NRXN3: variants seen among roughly 807,000 people sequenced by gnomAD.
NRXN3 encodes neurexin 3, also known as neurexin III.
A neutral mutation model predicts 137.6 loss-of-function variants in NRXN3; 32 were observed. That is an observed-to-expected ratio of 0.23 (90% CI 0.18 to 0.31). NRXN3 has a LOEUF of 0.31. NRXN3 is among the 10% of genes least tolerant of loss of function. The pLI is 1.00. For synonymous variants in NRXN3, 798 were observed against 784.5 expected (o/e 1.02, Z -0.29); for missense variants, 1,574 against 2,062.5 (o/e 0.76, Z 4.59).
At chr14:78,614,049 A>G (rs1019115096) in intron 4 of NRXN3, among the ~76,000 whole-genome samples, 1 of 152,180 alleles carries the variant, frequency 6.6e-6, no homozygotes, top group Non-Finnish European at 1.5e-5. Flanking sequence ...AGGGCTGCTC[A>G]AGGTGTTTCC....
intron 19 of NRXN3, among the ~76,000 whole-genome samples, chr14:79,794,817 C>G (rs2099156243): frequency 6.6e-6 from 1 of 152,180 alleles, no homozygotes; most frequent in African/African-American, 2.4e-5. Context: ...TCCACAGGAT[C>G]CTGTGCCATT....
intron 15 of NRXN3, among the ~76,000 whole-genome samples, chr14:79,359,245 C>T (rs1343752275): frequency 6.6e-6 from 1 of 152,064 alleles, no homozygotes; most frequent in African/African-American, 2.4e-5. Context: ...AAGTCTTTTC[C>T]CATTGTTCTG....
chr14:79,421,010 T>G (rs1044466862), intron 15 of NRXN3, among the ~76,000 whole-genome samples: 1 of 152,202 alleles, frequency 6.6e-6, no homozygotes, highest in African/African-American at 2.4e-5. Flanking sequence ...CCCAGATATT[T>G]AGAGACTCCA....
At chr14:78,448,237 C>A (rs1202149794) in intron 4 of NRXN3, among the ~76,000 whole-genome samples, 1 of 151,056 alleles carries the variant, frequency 6.6e-6, no homozygotes, top group African/African-American at 2.4e-5. Flanking sequence ...ATTATAAGAC[C>A]CTGAAAGACG....
chr14:79,768,004 T>G (rs138478559), intron 19 of NRXN3, among the ~76,000 whole-genome samples: 4,319 of 152,206 alleles, frequency 0.028, 203 homozygotes, highest in African/African-American at 0.099. Flanking sequence ...TCAAAGAAAG[T>G]GGTGACAGAC....
At chr14:78,302,151 A>G (rs1380032021) in intron 4 of NRXN3, among the ~76,000 whole-genome samples, 2 of 152,118 alleles carry the variant, frequency 1.3e-5, no homozygotes, top group Non-Finnish European at 2.9e-5. Context: ...CTCATTGGCA[A>G]TACATTAGAT....
chr14:78,379,371 T>A (rs181784423), intron 4 of NRXN3, among the ~76,000 whole-genome samples: 1 of 152,232 alleles, frequency 6.6e-6, no homozygotes, highest in East Asian at 1.9e-4. Flanking sequence ...AAAAAAATAT[T>A]AGCAAGTACA....
At position 79,497,451 on chromosome 14, in the gene NRXN3, A is replaced by C. The variant is rs568958037; in HGVS notation, c.3444+30049A>C. Reference sequence around the variant, plus strand: ...TCCAAATGTTACCTTATTAATGAAGACTTCCCTAGCTCATTCTATTTTATC... The same window carrying C: ...TCCAAATGTTACCTTATTAATGAAGCCTTCCCTAGCTCATTCTATTTTATC... On this transcript the variant is annotated intron_variant, in intron 16 of 20. Coordinates refer to ENST00000335750, the MANE Select transcript of NRXN3 (RefSeq NM_001330195.2). Among the ~76,000 whole-genome samples the C allele has an allele frequency of 3.3e-5, 5 of 151,872 alleles. No individual in the cohort carries two copies. In the South Asian group the frequency reaches 8.3e-4, roughly 25 times the overall value.
chr14:78,968,439 C>A, intron 14 of NRXN3, 93 bp downstream of exon 14: 1 of 1,198,932 alleles, frequency 8.3e-7, no homozygotes, highest in South Asian at 1.4e-5. Context: ...CTCAGTTGAC[C>A]AGTCCTGTCT....
rs189009503 is a variant in NRXN3 at position 78,936,438 on chromosome 14, G to A, written c.2276-20804G>A. Among the ~76,000 whole-genome samples the A allele has an allele frequency of 3.3e-5, 5 of 152,292 alleles. No individual in the cohort carries two copies. The East Asian group carries it at 9.6e-4, about 29-fold the overall frequency. On this transcript the variant is annotated intron_variant, in intron 10 of 20. Coordinates refer to ENST00000335750, the MANE Select transcript of NRXN3 (RefSeq NM_001330195.2). The stretch of plus-strand genomic sequence containing the variant: ...ATAAAAGACGCCAGAGGAAAAAAGA[G>A]TACATATTGTATGGTTACATTTATA...
At chr14:78,570,016 A>G (rs1321391676) in intron 4 of NRXN3, among the ~76,000 whole-genome samples, 1 of 152,172 alleles carries the variant, frequency 6.6e-6, no homozygotes, top group East Asian at 1.9e-4. Context: ...AAATTTCCTC[A>G]TTTGAAAATG....
intron 14 of NRXN3, among the ~76,000 whole-genome samples, chr14:78,976,273 T>C (rs997244464): frequency 2.0e-5 from 3 of 152,196 alleles, no homozygotes; most frequent in African/African-American, 7.2e-5. Flanking sequence ...TAACTTCTCT[T>C]AGCAGGTTTT....
In NRXN3 at chr14:78,918,475, A is replaced by G. The variant is rs151043559; in HGVS notation, c.2276-38767A>G. 3.3e-5 allele frequency among the ~76,000 whole-genome samples: 5 copies of G among 152,280 alleles called. No homozygotes were observed. In the East Asian group the frequency reaches 7.7e-4, roughly 24 times the overall value. ...GTAACCATGACACGTTGGGGTTTGT[A>G]TAAGTAATAAACGCTGAGATATATG... On this transcript the variant is annotated intron_variant, in intron 10 of 20. Coordinates refer to ENST00000335750, the MANE Select transcript of NRXN3 (RefSeq NM_001330195.2).
rs953395044 is a variant in NRXN3 at position 79,443,894 on chromosome 14, A to G, written c.3263-23327A>G. On this transcript the variant is annotated intron_variant, in intron 15 of 20. Coordinates refer to ENST00000335750, the MANE Select transcript of NRXN3 (RefSeq NM_001330195.2). ...CTTCCCCACTGGTTTTTGAGAAGTG[A>G]AAAGGATTAACATATATGGCAGTGG... Among the ~76,000 whole-genome samples, 8 of 152,184 alleles carry G rather than the reference A, an allele frequency of 5.3e-5. No individual in the cohort carries two copies. In the East Asian group the frequency reaches 1.5e-3, roughly 29 times the overall value.
chr14:78,316,782 G>A (rs923862857), intron 4 of NRXN3, among the ~76,000 whole-genome samples: 1 of 152,160 alleles, frequency 6.6e-6, no homozygotes, highest in South Asian at 2.1e-4. Context: ...CCAAGACCTA[G>A]TGTTTGTCTT....
At chr14:79,754,577 C>CAG (rs2099012639) in intron 19 of NRXN3, among the ~76,000 whole-genome samples, 1 of 132,740 alleles carries the variant, frequency 7.5e-6, no homozygotes, top group African/African-American at 3.1e-5. Flanking sequence ...CACATACACA[C>CAG]ACACACACAC....
At chr14:79,562,583 C>T (rs1000345610) in intron 16 of NRXN3, among the ~76,000 whole-genome samples, 1 of 152,156 alleles carries the variant, frequency 6.6e-6, no homozygotes, top group Non-Finnish European at 1.5e-5. Context: ...CAGTTTTACA[C>T]CTACATCCCT....
intron 15 of NRXN3, among the ~76,000 whole-genome samples, chr14:79,080,836 C>T (rs908244846): frequency 3.3e-5 from 5 of 152,130 alleles, no homozygotes; most frequent in Non-Finnish European, 2.9e-5. Flanking sequence ...GGCAGTTACC[C>T]CAACTATAAC....
intron 15 of NRXN3, among the ~76,000 whole-genome samples, chr14:79,219,391 A>G (rs918681217): frequency 6.6e-6 from 1 of 152,226 alleles, no homozygotes; most frequent in Middle Eastern, 3.4e-3. Context: ...TGGCCTCCCA[A>G]AGTGTTGGGA....
Sources: allele counts gnomAD v4.1 joint callset (sites outside exome capture counted in the v4.1 genomes callset), GRCh38; gene constraint gnomAD v4.1.1; transcripts MANE v1.5; gene names NCBI Gene and HGNC (gene_info 2026-07-23, HGNC 2026-07-21).